Variants in TMEM177 observed in about 807,000 individuals in gnomAD.
TMEM177 encodes transmembrane protein 177.
A neutral mutation model predicts 14.2 loss-of-function variants in TMEM177; 4 were observed. That is an observed-to-expected ratio of 0.28 (90% CI 0.14 to 0.64). The LOEUF is 0.64. TMEM177 is among the 30% of genes least tolerant of loss of function. The pLI, the probability that TMEM177 is intolerant of heterozygous loss-of-function variation, is 0.82. For missense variants in TMEM177, 344 were observed against 405.2 expected (o/e 0.85, Z 1.30); for synonymous variants, 179 against 174.5 (o/e 1.03, Z -0.20).
the TMEM177 span, chr2:119,698,922 A>G: frequency 0.026 from 4,024 of 153,172 alleles, 56 homozygotes; most frequent in Non-Finnish European, 0.032. Flanking sequence ...GCTTGAACCC[A>G]GGAGACGGAG....
the TMEM177 span, among the ~76,000 whole-genome samples, chr2:119,707,868 C>T: frequency 6.6e-6 from 1 of 152,208 alleles, no homozygotes. Context: ...GGAGCACTAG[C>T]AGGAGATGGG....
chr2:119,696,763 A>C, the TMEM177 span, among the ~76,000 whole-genome samples: 1 of 152,132 alleles, frequency 6.6e-6, no homozygotes, highest in Non-Finnish European at 1.5e-5. Flanking sequence ...GAGGGGAGAC[A>C]AGGGCAGAGG....
the TMEM177 span, among the ~76,000 whole-genome samples, chr2:119,693,924 GCCACACACATCACACAA>G: frequency 8.4e-5 from 1 of 11,918 alleles, no homozygotes; most frequent in East Asian, 1.8e-3. Context: ...CATCACACAT[GCCACACACATCACACAA>G]GCCACACACA....
At chr2:119,680,647 C>A (rs899214501) in intron 1 of TMEM177, among the ~76,000 whole-genome samples, 185 bp from the exon 2 acceptor site, 1 of 152,188 alleles carries the variant, frequency 6.6e-6, no homozygotes, top group Non-Finnish European at 1.5e-5. Flanking sequence ...CTGTTTGGCA[C>A]ATGGGGAAAT....
the TMEM177 span, among the ~76,000 whole-genome samples, chr2:119,719,879 G>T: frequency 6.6e-6 from 1 of 151,972 alleles, no homozygotes; most frequent in Non-Finnish European, 1.5e-5. Context: ...CTGCAGATTC[G>T]AACTCCAGGG....
the TMEM177 span, among the ~76,000 whole-genome samples, chr2:119,713,575 C>G: frequency 6.6e-6 from 1 of 152,294 alleles, no homozygotes; most frequent in African/African-American, 2.4e-5. Flanking sequence ...CATGATGGCT[C>G]AAGCTTATAA....
chr2:119,714,785 G>A, the TMEM177 span, among the ~76,000 whole-genome samples: 1 of 152,258 alleles, frequency 6.6e-6, no homozygotes, highest in African/African-American at 2.4e-5. Context: ...CCAGGGGGCA[G>A]CCTGGGCTAC....
At chr2:119,697,771 G>A in the TMEM177 span, among the ~76,000 whole-genome samples, 1 of 152,046 alleles carries the variant, frequency 6.6e-6, no homozygotes, top group Non-Finnish European at 1.5e-5. Flanking sequence ...ACCTCGCTGA[G>A]GGCTTCCCCT....
At chr2:119,702,192 T>C in the TMEM177 span, among the ~76,000 whole-genome samples, 1 of 152,398 alleles carries the variant, frequency 6.6e-6, no homozygotes, top group African/African-American at 2.4e-5. Context: ...AAAGTTAGTT[T>C]GGCCTATGCC....
chr2:119,680,631 A>T (rs1688869660), intron 1 of TMEM177, among the ~76,000 whole-genome samples: 1 of 152,176 alleles, frequency 6.6e-6, no homozygotes, highest in Non-Finnish European at 1.5e-5. Flanking sequence ...GGCCATTACG[A>T]CACACCTGTT....
the TMEM177 span, among the ~76,000 whole-genome samples, chr2:119,718,277 C>T: frequency 6.6e-5 from 10 of 152,194 alleles, no homozygotes; most frequent in African/African-American, 4.8e-5. Context: ...ATCACCATTA[C>T]GCTCATGTAT....
At chr2:119,695,211 G>A in the TMEM177 span, among the ~76,000 whole-genome samples, 1 of 152,198 alleles carries the variant, frequency 6.6e-6, no homozygotes, top group Non-Finnish European at 1.5e-5. Flanking sequence ...CCGGAATGTG[G>A]ACAAATGGGA....
downstream of TMEM177, among the ~76,000 whole-genome samples, chr2:119,683,079 T>C (rs1366234936): frequency 6.6e-6 from 1 of 152,194 alleles, no homozygotes; most frequent in African/African-American, 2.4e-5. Flanking sequence ...GGGAAAGTAT[T>C]TGAACACAGT....
chr2:119,699,661 G>T, the TMEM177 span: 1 of 163,454 alleles, frequency 6.1e-6, no homozygotes, highest in Non-Finnish European at 1.3e-5. Context: ...TTTTTCCAGG[G>T]ACCCCCTCCC....
chr2:119,691,946 G>A, the TMEM177 span, among the ~76,000 whole-genome samples: 848 of 152,314 alleles, frequency 5.6e-3, 8 homozygotes, highest in African/African-American at 0.019. Flanking sequence ...GTCCTGTGCT[G>A]GTCCCTGCAG....
At chr2:119,694,391 A>C in the TMEM177 span, among the ~76,000 whole-genome samples, 8 of 152,138 alleles carry the variant, frequency 5.3e-5, no homozygotes, top group East Asian at 1.5e-3. Context: ...AGTCCAGCCT[A>C]AATAAGGGTG....
chr2:119,699,528 G>C, the TMEM177 span, among the ~76,000 whole-genome samples: 52 of 152,228 alleles, frequency 3.4e-4, no homozygotes, highest in African/African-American at 1.2e-3. Context: ...TCCCTACTAG[G>C]GTGCTTCCCA....
At chr2:119,701,565 C>T in the TMEM177 span, among the ~76,000 whole-genome samples, 1 of 152,124 alleles carries the variant, frequency 6.6e-6, no homozygotes, top group East Asian at 1.9e-4. Flanking sequence ...AGTCCGGTGT[C>T]CCAGCGCAGT....
At chr2:119,717,333 A>G in the TMEM177 span, among the ~76,000 whole-genome samples, 6 of 151,888 alleles carry the variant, frequency 4.0e-5, no homozygotes, top group African/African-American at 1.4e-4. Context: ...CCATCTGGAA[A>G]AAAAAAAAAG....
Sources: allele counts gnomAD v4.1 joint callset (sites outside exome capture counted in the v4.1 genomes callset), GRCh38; gene constraint gnomAD v4.1.1; transcripts MANE v1.5; gene names NCBI Gene and HGNC (gene_info 2026-07-23, HGNC 2026-07-21).